SPINT2: variants seen among roughly 807,000 people sequenced by gnomAD.
SPINT2 encodes the protein kunitz-type protease inhibitor 2.
SPINT2 carries 18 observed loss-of-function variants against 30.1 expected under a neutral mutation model. The ratio of observed to expected loss-of-function variants is 0.60; its 90% CI spans 0.41 to 0.89. SPINT2 has a LOEUF of 0.89. Ranked by LOEUF, SPINT2 falls within the 40% of genes least tolerant of loss-of-function variation. The pLI, the probability that SPINT2 is intolerant of heterozygous loss-of-function variation, is 0.00. For synonymous variants in SPINT2, 139 were observed against 137.9 expected (o/e 1.01, Z -0.05); for missense variants, 276 against 334.3 (o/e 0.83, Z 1.36).
intron 1 of SPINT2, among the ~76,000 whole-genome samples, chr19:38,281,247 G>T (rs900712876): frequency 1.3e-5 from 2 of 152,018 alleles, no homozygotes; most frequent in Admixed American, 6.6e-5. Flanking sequence ...ATGTGTAATG[G>T]ACAAAAGGTG....
chr19:38,288,455 C>A, intron 3 of SPINT2: 1 of 249,836 alleles, frequency 4.0e-6, no homozygotes, highest in South Asian at 4.7e-5. Flanking sequence ...CTGCCCCATT[C>A]CTCCTTTATG....
chr19:38,264,631 G>C lies in SPINT2; in HGVS notation c.-262G>C. 2.0e-6 allele frequency: 1 copy of C among 496,880 alleles called. No individual in the cohort carries two copies. The allele number at this position is 496,880 out of a possible 1,614,324, so 30.8% of individuals were successfully genotyped here. ...GGTGTAGCGCGGCTCTGAACGCGCT[G>C]AGGGCCGTTGAGTGTCGCAGGCGGC... On this transcript the variant is annotated 5_prime_UTR_variant, in exon 1 of 7. Transcript: ENST00000301244.
At chr19:38,274,234 A>C (rs1968490662) in intron 1 of SPINT2, among the ~76,000 whole-genome samples, 1 of 151,994 alleles carries the variant, frequency 6.6e-6, no homozygotes, top group Admixed American at 6.6e-5. Context: ...TCAAAAAAAA[A>C]AAGAAAGCTG....
intron 1 of SPINT2, among the ~76,000 whole-genome samples, chr19:38,281,246 G>C (rs1968577998): frequency 6.6e-6 from 1 of 152,050 alleles, no homozygotes; most frequent in African/African-American, 2.4e-5. Flanking sequence ...GATGTGTAAT[G>C]GACAAAAGGT....
rs1382719574 is a variant in SPINT2, at chr19:38,287,916, G to A, written c.318G>A (p.Ala106=). 4.3e-6 allele frequency: 7 copies of A among 1,614,158 alleles called. No individual in the cohort carries two copies. The highest frequency in any genetic ancestry group is 1.3e-5 in the African/African-American group (1 of 75,044). ...TGDLATSRNA[A]DSSVPSAPRR... ...ACCTGGCCACCAGCAGGAATGCAGC[G>A]GATTCCTCTGTCCCAAGTGGTAGGT... The change falls in exon 3 of 7, where the codon GCG becomes GCA. Residue 106 remains alanine (A), a synonymous_variant. Transcript: ENST00000301244.
chr19:38,285,103 C>T (rs1391956753), intron 2 of SPINT2, among the ~76,000 whole-genome samples: 1 of 152,156 alleles, frequency 6.6e-6, no homozygotes, highest in Admixed American at 6.6e-5. Context: ...AAACATACGT[C>T]CTGGAATCCA....
chr19:38,282,679 G>C (rs1222742344), intron 1 of SPINT2, among the ~76,000 whole-genome samples: 1 of 152,212 alleles, frequency 6.6e-6, no homozygotes, highest in East Asian at 1.9e-4. Context: ...GGCCCATCTT[G>C]GTGTGCCCAA....
chr19:38,286,875 C>A (rs553587520), intron 2 of SPINT2, among the ~76,000 whole-genome samples: 7 of 152,238 alleles, frequency 4.6e-5, no homozygotes, highest in African/African-American at 1.7e-4. Context: ...TTTTATGTTG[C>A]CCAAGCTGGT....
Position 38,290,814 on chromosome 19 carries a change from G to A in SPINT2, c.592+239G>A. 1.6e-6 allele frequency: 1 copy of A among 619,684 alleles called. No individual in the cohort carries two copies. Among genetic ancestry groups the A allele is most frequent in the South Asian group, 1.8e-5 (1 of 55,454 alleles). The allele number at this position is 619,684 out of a possible 1,614,324, so 38.4% of individuals were successfully genotyped here. A position where few individuals can be genotyped will look rare whatever the true frequency, so the allele number is the denominator to read the frequency against. On this transcript the variant is annotated intron_variant, in intron 6 of 6. Transcript: ENST00000301244. This position sits in a 1 kb window ranked among gnomAD's most constrained non-coding sequence, Gnocchi z 4.3. ...CCTGCCCAGGCGGCGTGGGTGACTG[G>A]GGATGAGGTCTTCCTGTTGAGCATT...
At chr19:38,276,940 A>G (rs1162584312) in intron 1 of SPINT2, among the ~76,000 whole-genome samples, 1 of 151,902 alleles carries the variant, frequency 6.6e-6, no homozygotes, top group Non-Finnish European at 1.5e-5. Context: ...AGCTGAGACT[A>G]CAGGCACGTG....
intron 1 of SPINT2, among the ~76,000 whole-genome samples, chr19:38,282,767 C>G (rs999481593): frequency 1.3e-5 from 2 of 152,106 alleles, no homozygotes; most frequent in African/African-American, 4.8e-5. Context: ...TGCAGGCACT[C>G]GAGTTAAGAA....
intron 1 of SPINT2, among the ~76,000 whole-genome samples, chr19:38,270,669 G>A (rs1049649820): frequency 5.3e-5 from 8 of 152,166 alleles, no homozygotes; most frequent in African/African-American, 1.9e-4. Context: ...ACATTGCTTT[G>A]CCCAGTCAGT....
intron 1 of SPINT2, among the ~76,000 whole-genome samples, chr19:38,272,880 C>T (rs765378817): frequency 8.6e-5 from 13 of 152,036 alleles, no homozygotes; most frequent in South Asian, 2.1e-4. Flanking sequence ...CCACCACGCC[C>T]GGCTCATTTT....
chr19:38,276,091 G>A (rs944348100), intron 1 of SPINT2, among the ~76,000 whole-genome samples: 8 of 152,176 alleles, frequency 5.3e-5, no homozygotes, highest in Non-Finnish European at 1.0e-4. Context: ...ATTGCTTTGT[G>A]TGATCACACA....
chr19:38,270,176 A>G (rs887538818), intron 1 of SPINT2, among the ~76,000 whole-genome samples: 1 of 152,088 alleles, frequency 6.6e-6, no homozygotes, highest in African/African-American at 2.4e-5. Context: ...CCTCACCCCC[A>G]TGGATAGTCG....
At chr19:38,286,059 A>T (rs570202700) in intron 2 of SPINT2, among the ~76,000 whole-genome samples, 1 of 152,294 alleles carries the variant, frequency 6.6e-6, no homozygotes, top group South Asian at 2.1e-4. Context: ...AGGTCCAGAA[A>T]GCACATATTG....
Position 38,279,478 on chromosome 19 carries a change from C to T in SPINT2, c.107-4149C>T, listed in dbSNP as rs187047977. 5.3e-5 allele frequency among the ~76,000 whole-genome samples: 8 copies of T among 151,572 alleles called. No homozygotes were observed. The East Asian group carries it at 1.4e-3, about 26-fold the overall frequency. On this transcript the variant is annotated intron_variant, in intron 1 of 6. Coordinates refer to ENST00000301244, the MANE Select transcript of SPINT2 (RefSeq NM_021102.4). Reference sequence around the variant, plus strand: ...CACCATTGCATTCCAGCCTGGGCAACAAGAGCAAAACTCCATCTTAAAAAA... The same window carrying T: ...CACCATTGCATTCCAGCCTGGGCAATAAGAGCAAAACTCCATCTTAAAAAA...
chr19:38,286,204 G>A (rs764782053), intron 2 of SPINT2, among the ~76,000 whole-genome samples: 2 of 152,202 alleles, frequency 1.3e-5, no homozygotes, highest in African/African-American at 2.4e-5. Flanking sequence ...GGCTCTGTGG[G>A]AAGGCAAGTG....
intron 1 of SPINT2, among the ~76,000 whole-genome samples, chr19:38,280,346 T>A (rs1968566608): frequency 6.6e-6 from 1 of 152,224 alleles, no homozygotes; most frequent in Non-Finnish European, 1.5e-5. Context: ...CTAACTTTAT[T>A]CTGACTTCAA....
Sources: allele counts gnomAD v4.1 joint callset (sites outside exome capture counted in the v4.1 genomes callset), GRCh38; gene constraint gnomAD v4.1.1; non-coding constraint Gnocchi (gnomAD v3.1); transcripts MANE v1.5; gene names NCBI Gene and HGNC (gene_info 2026-07-23, HGNC 2026-07-21).